The following ARL8B variants were observed in gnomAD, a reference collection of about 807,000 sequenced individuals.
ARL8B encodes ARF like GTPase 8B.
A neutral mutation model predicts 30.6 loss-of-function variants in ARL8B; 9 were observed. That is an observed-to-expected ratio of 0.29 (90% confidence interval 0.18 to 0.51). The LOEUF (loss-of-function observed/expected upper bound fraction) is 0.51, where lower values mean the gene tolerates loss of function less well. ARL8B is among the 20% of genes least tolerant of loss of function. The probability of loss-of-function intolerance (pLI) is 0.97; values close to 1 mark genes in which losing one functional copy is unlikely to be tolerated. For missense variants in ARL8B, 130 were observed against 227.2 expected (o/e 0.57, Z 2.75); for synonymous variants, 74 against 76.0 (o/e 0.97, Z 0.14).
intron 2 of ARL8B, 75 bp downstream of exon 2, chr3:5,170,658 G>T (rs552952522): frequency 2.6e-6 from 3 of 1,134,524 alleles, no homozygotes; most frequent in Admixed American, 2.5e-5. Flanking sequence ...AAATTTCTGT[G>T]TTTTTACTGA....
At position 5,180,342 on chromosome 3, in the gene ARL8B, C is replaced by G. The variant is rs555364491; in HGVS notation, c.*1629C>G. 5 of 152,388 alleles carry G rather than the reference C, an allele frequency of 3.3e-5. No homozygotes were observed. Among genetic ancestry groups the G allele is most frequent in the Non-Finnish European group, 5.9e-5 (4 of 68,022 alleles). 9.4% of individuals were successfully genotyped at this position (152,388 alleles called of 1,614,324 possible). Reference sequence around the variant, plus strand: ...TCTTTGAAGCATGTTGCATACTACCCTGGTGGGATGGATGGTTCTGTAAAT... The same window carrying G: ...TCTTTGAAGCATGTTGCATACTACCGTGGTGGGATGGATGGTTCTGTAAAT... On this transcript the variant is annotated 3_prime_UTR_variant, in exon 7 of 7. Coordinates refer to ENST00000256496, the MANE Select transcript of ARL8B (RefSeq NM_018184.3).
rs1226111221 is a variant in ARL8B, at chr3:5,179,596, C to G, written c.*883C>G. 1.3e-5 allele frequency: 2 copies of G among 152,638 alleles called. No individual in the cohort carries two copies. Among genetic ancestry groups the G allele is most frequent in the Non-Finnish European group, 2.9e-5 (2 of 68,036 alleles). The allele number at this position is 152,638 out of a possible 1,614,324, so 9.5% of individuals were successfully genotyped here. A position where few individuals can be genotyped will look rare whatever the true frequency, so the allele number is the denominator to read the frequency against. On this transcript the variant is annotated 3_prime_UTR_variant, in exon 7 of 7. Coordinates refer to ENST00000256496, the MANE Select transcript of ARL8B (RefSeq NM_018184.3). ...AGAATGTCAGTCTTTGTTCAAACAT[C>G]TGTTTGTTCTATCTCCAGTCATTAA... is the stretch of plus-strand genomic sequence containing the variant.
At chr3:5,141,715 G>A (rs72492929) in intron 1 of ARL8B, among the ~76,000 whole-genome samples, 8,833 of 152,256 alleles carry the variant, frequency 0.058, 353 homozygotes, top group East Asian at 0.15. Flanking sequence ...GGGAATGAAA[G>A]TATAACGTTT....
intron 2 of ARL8B, 79 bp from the exon 3 acceptor site, chr3:5,172,069 CTT>C: frequency 7.5e-7 from 1 of 1,328,900 alleles, no homozygotes; most frequent in Non-Finnish European, 1.1e-6. Flanking sequence ...TCTTCCCGAT[CTT>C]TCTTTTTTTC....
chr3:5,169,311 G>C (rs77798109), intron 1 of ARL8B, among the ~76,000 whole-genome samples: 13 of 101,068 alleles, frequency 1.3e-4, no homozygotes, highest in Non-Finnish European at 2.5e-4. Context: ...GTGTTTGTGT[G>C]TGTGTGTGTG....
At chr3:5,128,349 A>G in intron 1 of ARL8B, 1 of 384,954 alleles carries the variant, frequency 2.6e-6, no homozygotes, top group South Asian at 1.9e-5. Context: ...GTGGTCTTCA[A>G]GTATAGATTC....
At chr3:5,153,920 C>G (rs1327538643) in intron 1 of ARL8B, among the ~76,000 whole-genome samples, 1 of 136,642 alleles carries the variant, frequency 7.3e-6, no homozygotes, top group Non-Finnish European at 1.5e-5. Context: ...GAATTTCAGA[C>G]TGATAGTCTT....
At chr3:5,132,004 TC>T (rs979592205) in intron 1 of ARL8B, among the ~76,000 whole-genome samples, 1 of 152,204 alleles carries the variant, frequency 6.6e-6, no homozygotes, top group African/African-American at 2.4e-5. Flanking sequence ...TGCCTCAGCT[TC>T]CTGAGTAGCT....
rs375131167 is a variant in ARL8B, at chr3:5,160,733, T to TAAAA, written c.124-9768_124-9767insAAAA. ...GTTGATCCCCTGTAATAAAAACAAT[T>TAAAA]AATTTTCTAGAGAATTTTTATCTGC... On this transcript the variant is annotated intron_variant, in intron 1 of 6. Transcript: ENST00000256496. Among the ~76,000 whole-genome samples, 1,273 of 152,350 alleles carry TAAAA rather than the reference T, an allele frequency of 8.4e-3. 13 individuals carry two copies. Among genetic ancestry groups the TAAAA allele is most frequent in the African/African-American group, 0.028 (1,184 of 41,576 alleles).
At chr3:5,127,494 A>T (rs1333226201) in intron 1 of ARL8B, among the ~76,000 whole-genome samples, 4 of 152,208 alleles carry the variant, frequency 2.6e-5, no homozygotes. Context: ...CATCTTAAGC[A>T]TACTGACTAA....
At chr3:5,133,157 G>A (rs1008846128) in intron 1 of ARL8B, among the ~76,000 whole-genome samples, 1 of 152,112 alleles carries the variant, frequency 6.6e-6, no homozygotes, top group Admixed American at 6.5e-5. Flanking sequence ...CTGAGGGAAA[G>A]AAATTTTTTT....
chr3:5,150,274 C>T (rs768171125), intron 1 of ARL8B, among the ~76,000 whole-genome samples: 23 of 152,000 alleles, frequency 1.5e-4, no homozygotes, highest in East Asian at 1.4e-3. Flanking sequence ...ACCAGCCTGA[C>T]TAACATGGTG....
At position 5,179,287 on chromosome 3, in the gene ARL8B, A is replaced by G. The variant is rs772891078; in HGVS notation, c.*574A>G. On this transcript the variant is annotated 3_prime_UTR_variant, in exon 7 of 7. Transcript: ENST00000256496. ...ATCTTAGGAATCCAAAATGGTCTGC[A>G]GAGAGTGAGCGGAGGCACCAGATCA... is the stretch of plus-strand genomic sequence containing the variant. 3 of 152,620 alleles carry G rather than the reference A, an allele frequency of 2.0e-5. No homozygotes were observed. Among genetic ancestry groups the G allele is most frequent in the East Asian group, 1.9e-4 (1 of 5,194 alleles). The allele number at this position is 152,620 out of a possible 1,614,324, so 9.5% of individuals were successfully genotyped here.
intron 1 of ARL8B, chr3:5,128,713 G>A (rs2054254283): frequency 1.5e-5 from 3 of 205,168 alleles, no homozygotes; most frequent in East Asian, 1.5e-4. Context: ...GCTCATTAGC[G>A]GAGATGTGAA....
At chr3:5,161,897 T>C (rs1286961165) in intron 1 of ARL8B, among the ~76,000 whole-genome samples, 20 of 152,326 alleles carry the variant, frequency 1.3e-4, no homozygotes, top group Admixed American at 1.1e-3. Flanking sequence ...TTGGGTGATA[T>C]TTGTATGTTT....
At chr3:5,134,404 C>G (rs2054308119) in intron 1 of ARL8B, among the ~76,000 whole-genome samples, 1 of 152,138 alleles carries the variant, frequency 6.6e-6, no homozygotes, top group African/African-American at 2.4e-5. Context: ...GGGTCAGATT[C>G]GTTTGCAGGC....
chr3:5,124,159 G>A (rs2054208320), intron 1 of ARL8B, among the ~76,000 whole-genome samples: 1 of 151,904 alleles, frequency 6.6e-6, no homozygotes, highest in African/African-American at 2.4e-5. Context: ...GTGAGCCACC[G>A]CGCCTGGCCT....
intron 1 of ARL8B, among the ~76,000 whole-genome samples, chr3:5,123,509 A>G (rs1220824027): frequency 1.3e-5 from 2 of 152,176 alleles, no homozygotes; most frequent in Admixed American, 1.3e-4. Context: ...TTTCGCCTCG[A>G]TCTTTATTTA....
At position 5,156,367 on chromosome 3, in the gene ARL8B, TC is replaced by T. The variant is rs2054533295; in HGVS notation, c.124-14131del. The stretch of plus-strand genomic sequence containing the variant: ...TGTTGTAACCCTGGAAATCAGACTC[TC>T]CCCCTTCCCCAGAGTTTACTGCCTT... On this transcript the variant is annotated intron_variant, in intron 1 of 6. Transcript: ENST00000256496. 2.0e-5 allele frequency among the ~76,000 whole-genome samples: 3 copies of T among 151,994 alleles called. No individual in the cohort carries two copies. The South Asian group carries it at 6.2e-4, about 32-fold the overall frequency.
Sources: gnomAD v4.1 joint callset for allele counts (sites outside exome capture counted in the v4.1 genomes callset) on GRCh38, gnomAD v4.1.1 for gene constraint, MANE v1.5 for transcripts, NCBI Gene and HGNC (gene_info 2026-07-23, HGNC 2026-07-21) for gene names.